CT45A1: variants seen among roughly 807,000 people sequenced by gnomAD.
CT45A1 encodes the protein cancer/testis antigen family 45 member A1.
intron 1 of CT45A1, among the ~76,000 whole-genome samples, chrX:135,713,895 C>T (rs1209565576): frequency 1.3e-4 from 14 of 108,135 alleles, no homozygotes; most frequent in South Asian, 4.4e-4. Context: ...TTTCCTTGGG[C>T]ACCTCGTCTC....
intron 1 of CT45A1, among the ~76,000 whole-genome samples, chrX:135,717,884 T>A (rs2088001286): frequency 8.9e-6 from 1 of 112,114 alleles, no homozygotes; most frequent in African/African-American, 3.2e-5. Flanking sequence ...ACAGTTTTAT[T>A]TCTTTCCAAA....
upstream of CT45A1, among the ~76,000 whole-genome samples, chrX:135,712,998 T>TTCCTTCCTCC: frequency 6.6e-5 from 1 of 15,242 alleles, no homozygotes; most frequent in Non-Finnish European, 1.2e-4. Flanking sequence ...CCTTCCTTCC[T>TTCCTTCCTCC]CTCTCTCTCT....
chrX:135,714,950 A>G (rs1336334879), intron 1 of CT45A1, among the ~76,000 whole-genome samples: 1 of 104,044 alleles, frequency 9.6e-6, no homozygotes, highest in African/African-American at 3.5e-5. Context: ...TTTGTATTTT[A>G]AAAATGGATT....
upstream of CT45A1, among the ~76,000 whole-genome samples, chrX:135,711,088 G>C (rs2148030665): frequency 8.9e-6 from 1 of 111,785 alleles, no homozygotes; most frequent in Non-Finnish European, 1.9e-5. Flanking sequence ...GTCCACTTGT[G>C]GCTTGTGTGG....
intron 1 of CT45A1, among the ~76,000 whole-genome samples, chrX:135,717,510 C>T (rs1161245563): frequency 1.8e-5 from 2 of 110,151 alleles, no homozygotes; most frequent in Admixed American, 1.9e-4. Flanking sequence ...GACTGTGCCA[C>T]TCTACTCCAG....
At chrX:135,714,119 G>A (rs1267234699) in intron 1 of CT45A1, among the ~76,000 whole-genome samples, 1 of 108,829 alleles carries the variant, frequency 9.2e-6, no homozygotes, top group Non-Finnish European at 1.9e-5. Context: ...GGAACATGGT[G>A]GGGGTGGCTG....
chrX:135,714,523 C>A (rs782788052), intron 1 of CT45A1, among the ~76,000 whole-genome samples: 1 of 109,458 alleles, frequency 9.1e-6, no homozygotes, highest in African/African-American at 3.3e-5. Flanking sequence ...AACTCTTCAC[C>A]GGGACTCTAT....
upstream of CT45A1, among the ~76,000 whole-genome samples, chrX:135,712,987 T>TCCTC (rs2087946457): frequency 1.1e-4 from 1 of 9,242 alleles, no homozygotes; most frequent in African/African-American, 4.1e-4. Context: ...TCTTTCTCCT[T>TCCTC]CCTTCCTTCC....
chrX:135,715,228 T>A (rs2087969286), intron 1 of CT45A1, among the ~76,000 whole-genome samples: 1 of 87,361 alleles, frequency 1.1e-5, no homozygotes, highest in African/African-American at 4.2e-5. Flanking sequence ...TATATATATA[T>A]AATACTTATA....
At chrX:135,717,535 G>C (rs1286880362) in intron 1 of CT45A1, among the ~76,000 whole-genome samples, 1 of 103,432 alleles carries the variant, frequency 9.7e-6, no homozygotes, top group Non-Finnish European at 2.0e-5. Context: ...GGCGACAGAG[G>C]GAGGCTCCGA....
At chrX:135,713,323 A>C (rs1200209810), upstream of CT45A1, 1 of 148,406 alleles carries the variant, frequency 6.7e-6, no homozygotes, top group African/African-American at 3.4e-5. Flanking sequence ...TCCTCTGCTT[A>C]TGTTGCTGTG....
intron 1 of CT45A1, among the ~76,000 whole-genome samples, chrX:135,715,348 A>T (rs1214050363): frequency 8.6e-5 from 3 of 34,734 alleles, no homozygotes; most frequent in Non-Finnish European, 1.5e-4. Context: ...TATATATAAT[A>T]CTTACATATA....
intron 1 of CT45A1, among the ~76,000 whole-genome samples, chrX:135,714,544 G>A (rs1372097025): frequency 1.8e-5 from 2 of 109,838 alleles, no homozygotes; most frequent in Non-Finnish European, 3.8e-5. Context: ...CTGACCTTTC[G>A]GCCACAGCCT....
chrX:135,717,128 T>C, intron 1 of CT45A1, among the ~76,000 whole-genome samples: 1 of 112,494 alleles, frequency 8.9e-6, no homozygotes, highest in Admixed American at 9.5e-5. Context: ...TTAATTTGCA[T>C]ATACTTAAAA....
chrX:135,713,093 G>A (rs115311758), upstream of CT45A1, among the ~76,000 whole-genome samples: 15,835 of 89,844 alleles, frequency 0.18, 1,489 homozygotes, highest in Non-Finnish European at 0.22. Context: ...GCTGGAGTAC[G>A]GTGGTGCGTT....
upstream of CT45A1, chrX:135,710,466 A>G (rs1221486078): frequency 8.9e-6 from 1 of 112,368 alleles, no homozygotes; most frequent in African/African-American, 3.2e-5. Context: ...CTCTTTTTAC[A>G]ATAGAAGTGA....
At chrX:135,718,707 ATTGAT>A (rs1295956445) in intron 1 of CT45A1, among the ~76,000 whole-genome samples, 1 of 104,583 alleles carries the variant, frequency 9.6e-6, no homozygotes, top group Non-Finnish European at 2.0e-5. Flanking sequence ...AAGCATTCTG[ATTGAT>A]TTGGTTATAC....
rs782609877 is a variant in CT45A1, at chrX:135,714,271, T to C, written c.-7+581T>C. On this transcript the variant is annotated intron_variant, in intron 1 of 4. Transcript: ENST00000594565. The stretch of plus-strand genomic sequence containing the variant: ...GTCGCTCACTCTCAGCTAGGATGTG[T>C]TGGCTTTTCTTTGGTTCTGCTTATC... Among the ~76,000 whole-genome samples the C allele has an allele frequency of 7.3e-5, 8 of 109,211 alleles. No homozygotes were observed. The South Asian group carries it at 3.5e-3, about 47-fold the overall frequency. 94.8% of individuals were successfully genotyped at this position (109,211 alleles called of 115,157 possible).
At chrX:135,712,923 C>CTTT (rs1261406559), upstream of CT45A1, among the ~76,000 whole-genome samples, 3 of 88,912 alleles carry the variant, frequency 3.4e-5, no homozygotes, top group Admixed American at 1.2e-4. Flanking sequence ...TCTTTCTTTT[C>CTTT]TTTTCTTTTC....
Sources: allele counts gnomAD v4.1 joint callset (sites outside exome capture counted in the v4.1 genomes callset), GRCh38; gene constraint gnomAD v4.1.1; transcripts MANE v1.5; gene names NCBI Gene and HGNC (gene_info 2026-07-23, HGNC 2026-07-21).